STXBP6: variants seen among roughly 807,000 people sequenced by gnomAD.
STXBP6 encodes syntaxin-binding protein 6.
Under a neutral mutation model 26.9 loss-of-function variants are expected in STXBP6, and 21 were observed. The ratio of observed to expected loss-of-function variants is 0.78; its 90% CI spans 0.55 to 1.12. The LOEUF (loss-of-function observed/expected upper bound fraction) is 1.12, where lower values mean the gene tolerates loss of function less well. Ranked by LOEUF, STXBP6 falls within the 50% of genes most tolerant of loss-of-function variation. The pLI, the probability that STXBP6 is intolerant of heterozygous loss-of-function variation, is 0.00. For synonymous variants in STXBP6, 97 were observed against 92.6 expected, an observed-to-expected ratio of 1.05 and a Z score of -0.27; for missense variants, 232 against 257.9, an observed-to-expected ratio of 0.90 and a Z score of 0.69.
At chr14:24,880,784 G>C (rs2070328764) in intron 2 of STXBP6, among the ~76,000 whole-genome samples, 1 of 152,148 alleles carries the variant, frequency 6.6e-6, no homozygotes, top group African/African-American at 2.4e-5. Flanking sequence ...GATCGATTAT[G>C]TACACCCCGG....
At chr14:24,953,604 C>A (rs2073242562) in intron 2 of STXBP6, among the ~76,000 whole-genome samples, 1 of 152,194 alleles carries the variant, frequency 6.6e-6, no homozygotes. Context: ...CTGAAAACAC[C>A]AAGTTCTTTT....
chr14:24,996,704 A>C (rs990935517), intron 1 of STXBP6, among the ~76,000 whole-genome samples: 11 of 151,612 alleles, frequency 7.3e-5, no homozygotes, highest in African/African-American at 2.7e-4. Context: ...AAAATTATAA[A>C]ATTAGCCAGG....
chr14:24,813,505 C>T (rs2067882810), intron 5 of STXBP6, among the ~76,000 whole-genome samples: 1 of 152,138 alleles, frequency 6.6e-6, no homozygotes, highest in Non-Finnish European at 1.5e-5. Flanking sequence ...ATGATGTGAA[C>T]CAGAAGGCAG....
chr14:25,034,581 G>C (rs955393337), intron 1 of STXBP6, among the ~76,000 whole-genome samples: 2 of 152,140 alleles, frequency 1.3e-5, no homozygotes, highest in African/African-American at 2.4e-5. Flanking sequence ...CAGTGGTCAA[G>C]AGCCTGAACT....
intron 2 of STXBP6, among the ~76,000 whole-genome samples, chr14:24,858,269 T>C (rs148300148): frequency 6.6e-6 from 1 of 152,156 alleles, no homozygotes; most frequent in East Asian, 1.9e-4. Context: ...ACGCATTCCA[T>C]AGCTTATTGC....
At chr14:24,813,260 C>T (rs539288836) in intron 5 of STXBP6, among the ~76,000 whole-genome samples, 1 of 152,286 alleles carries the variant, frequency 6.6e-6, no homozygotes, top group South Asian at 2.1e-4. Context: ...AGGGCCAAAA[C>T]ACACCAAATC....
chr14:24,950,275 T>C (rs1287570787), intron 2 of STXBP6, among the ~76,000 whole-genome samples: 1 of 152,124 alleles, frequency 6.6e-6, no homozygotes, highest in African/African-American at 2.4e-5. Flanking sequence ...CTGTTTGGTA[T>C]TATACACAGA....
intron 1 of STXBP6, among the ~76,000 whole-genome samples, chr14:25,031,367 T>C (rs906932842): frequency 6.6e-6 from 1 of 152,192 alleles, no homozygotes; most frequent in African/African-American, 2.4e-5. Context: ...GGTAGAATTG[T>C]ACTGCCTCAG....
At chr14:24,892,262 G>A in intron 2 of STXBP6, among the ~76,000 whole-genome samples, 1 of 152,012 alleles carries the variant, frequency 6.6e-6, no homozygotes, top group East Asian at 1.9e-4. Context: ...GGAAAACAAG[G>A]AGGAAAGTGG....
At chr14:25,040,737 G>T (rs1293261240) in intron 1 of STXBP6, among the ~76,000 whole-genome samples, 1 of 152,184 alleles carries the variant, frequency 6.6e-6, no homozygotes, top group Non-Finnish European at 1.5e-5. Context: ...GACACGCATA[G>T]TTTGTATCCT....
At chr14:25,012,512 A>G (rs929686351) in intron 1 of STXBP6, among the ~76,000 whole-genome samples, 1 of 152,154 alleles carries the variant, frequency 6.6e-6, no homozygotes, top group East Asian at 1.9e-4. Flanking sequence ...AGGAATCACA[A>G]TCACTTGAAC....
intron 1 of STXBP6, among the ~76,000 whole-genome samples, chr14:24,976,682 T>C (rs190225241): frequency 9.8e-4 from 149 of 152,200 alleles, no homozygotes; most frequent in African/African-American, 2.9e-3. Context: ...GACTTTTATT[T>C]ATTTTTTTTA....
chr14:24,898,636 C>G (rs2071089368), intron 2 of STXBP6, among the ~76,000 whole-genome samples: 1 of 152,040 alleles, frequency 6.6e-6, no homozygotes, highest in Admixed American at 6.5e-5. Flanking sequence ...GAGATTGCAC[C>G]ACTGCACTCC....
intron 2 of STXBP6, among the ~76,000 whole-genome samples, chr14:24,970,533 T>A (rs975144102): frequency 6.6e-6 from 1 of 152,186 alleles, no homozygotes; most frequent in African/African-American, 2.4e-5. Flanking sequence ...TTGAGATTCA[T>A]CCATGTTGCT....
chr14:25,027,825 A>G (rs1177962416), intron 1 of STXBP6, among the ~76,000 whole-genome samples: 1 of 152,252 alleles, frequency 6.6e-6, no homozygotes, highest in Non-Finnish European at 1.5e-5. Context: ...GAATGCATGA[A>G]TAAGAAAGAA....
rs867240937 is a variant in STXBP6, at chr14:25,049,628, G to A, written c.-33+250C>T. On this transcript the variant is annotated intron_variant, in intron 1 of 5. Transcript: ENST00000323944. The surrounding 1 kb of genome is among the most constrained non-coding windows in gnomAD (Gnocchi z 5.6). ...AATACTGCCCGCACAACGGGTCCCA[G>A]GGTTGGAGAGAACCAGGGACACGAG... The A allele has an allele frequency of 2.0e-6, 2 of 985,332 alleles. No individual in the cohort carries two copies. The highest frequency in any genetic ancestry group is 1.1e-4 in the East Asian group (1 of 8,784). The allele number at this position is 985,332 out of a possible 1,614,324, so 61.0% of individuals were successfully genotyped here. A position where few individuals can be genotyped will look rare whatever the true frequency, so the allele number is the denominator to read the frequency against.
chr14:24,962,354 G>C (rs1382758183), intron 2 of STXBP6, among the ~76,000 whole-genome samples: 2 of 150,568 alleles, frequency 1.3e-5, no homozygotes, highest in Admixed American at 6.6e-5. Context: ...TTTTGAGACA[G>C]AGTCTCACTC....
At chr14:24,888,632 A>C (rs1217822730) in intron 2 of STXBP6, among the ~76,000 whole-genome samples, 1 of 151,830 alleles carries the variant, frequency 6.6e-6, no homozygotes, top group Admixed American at 6.6e-5. Context: ...CTGAGGCAAG[A>C]GAATTGCTTG....
intron 2 of STXBP6, among the ~76,000 whole-genome samples, chr14:24,963,673 T>C (rs1283186340): frequency 6.6e-6 from 1 of 152,122 alleles, no homozygotes; most frequent in African/African-American, 2.4e-5. Context: ...ATATTCAAGG[T>C]CTATTAAATG....
Sources: allele counts gnomAD v4.1 joint callset (sites outside exome capture counted in the v4.1 genomes callset), GRCh38; gene constraint gnomAD v4.1.1; non-coding constraint Gnocchi (gnomAD v3.1); transcripts MANE v1.5; gene names NCBI Gene and HGNC (gene_info 2026-07-23, HGNC 2026-07-21).